Variants in SLC27A1 observed in about 807,000 individuals in gnomAD.
The protein encoded by SLC27A1 is solute carrier family 27 member 1.
A neutral mutation model predicts 62.2 loss-of-function variants in SLC27A1; 61 were observed. That is an observed-to-expected ratio of 0.98 (90% CI 0.80 to 1.21). The LOEUF is 1.21. Among genes scored for constraint, SLC27A1 ranks in the 50% most tolerant of loss-of-function variants. The probability of loss-of-function intolerance (pLI) is 0.00; values close to 1 mark genes in which losing one functional copy is unlikely to be tolerated. For synonymous variants in SLC27A1, 435 were observed against 408.6 expected (o/e 1.06, Z -0.78); for missense variants, 903 against 932.1 (o/e 0.97, Z 0.41).
intron 6 of SLC27A1, among the ~76,000 whole-genome samples, chr19:17,493,971 G>T (rs557335079): frequency 9.2e-5 from 14 of 151,622 alleles, no homozygotes; most frequent in Admixed American, 5.2e-4. Flanking sequence ...AACAAAAAAG[G>T]GATGGTGGAG....
intron 1 of SLC27A1, among the ~76,000 whole-genome samples, chr19:17,481,783 A>T (rs2044219049): frequency 6.6e-6 from 1 of 152,216 alleles, no homozygotes; most frequent in Admixed American, 6.5e-5. Flanking sequence ...CTGGGATTAC[A>T]GGCATGAGCC....
intron 1 of SLC27A1, among the ~76,000 whole-genome samples, chr19:17,482,667 A>G (rs2075190430): frequency 6.6e-6 from 1 of 151,516 alleles, no homozygotes; most frequent in Non-Finnish European, 1.5e-5. Context: ...AAAAAAAAAA[A>G]AAAAAAAGGG....
At position 17,504,428 on chromosome 19, in the gene SLC27A1, C is replaced by A. The variant is rs752432852; in HGVS notation, c.1784-27C>A. 2.5e-6 allele frequency: 4 copies of A among 1,613,872 alleles called. No homozygotes were observed. The East Asian group carries it at 8.9e-5, about 36-fold the overall frequency. On this transcript the variant is annotated intron_variant, in intron 11 of 11. Coordinates refer to ENST00000252595, the MANE Select transcript of SLC27A1 (RefSeq NM_198580.3). ...CCTCCCAGAAGCCACCTGCTCAGCC[C>A]TTATCTGCCCCCCATCCCCACTATA...
chr19:17,486,602 G>T lies in SLC27A1; in HGVS notation c.207G>T (p.Arg69=), dbSNP rs753665751. Residue 69 remains arginine (R), a synonymous_variant, in exon 2 of 12, where the codon CGG becomes CGT. Coordinates refer to ENST00000252595, the MANE Select transcript of SLC27A1 (RefSeq NM_198580.3). The surrounding 1 kb of genome is among the most constrained non-coding windows in gnomAD (Gnocchi z 6.6). ...TGATCCGCGTGCGCCTGGAGCTGCG[G>T]CGGCACCAGCGTGCCGGCCACACCA... is the stretch of plus-strand genomic sequence containing the variant. ...SVLIRVRLEL[R]RHQRAGHTIP... 3 of 1,593,864 alleles carry T rather than the reference G, an allele frequency of 1.9e-6. No individual in the cohort carries two copies. Among genetic ancestry groups the T allele is most frequent in the Non-Finnish European group, 2.5e-6 (3 of 1,176,906 alleles).
chr19:17,477,892 A>T (rs1413699997), intron 1 of SLC27A1, among the ~76,000 whole-genome samples: 2 of 151,882 alleles, frequency 1.3e-5, no homozygotes, highest in Non-Finnish European at 2.9e-5. Flanking sequence ...AAATTATTTT[A>T]ACATAGAGAT....
intron 1 of SLC27A1, among the ~76,000 whole-genome samples, chr19:17,481,711 C>T (rs1284908026): frequency 6.6e-6 from 1 of 152,182 alleles, no homozygotes; most frequent in African/African-American, 2.4e-5. Context: ...CCATGTTGCC[C>T]AGGCTGGTCT....
chr19:17,500,178 G>A, intron 7 of SLC27A1, 100 bp from the exon 8 acceptor site: 2 of 1,517,820 alleles, frequency 1.3e-6, no homozygotes, highest in Non-Finnish European at 1.8e-6. Context: ...AATGACACTG[G>A]AGGTGCTAGG....
chr19:17,478,044 G>T (rs2075141695), intron 1 of SLC27A1, among the ~76,000 whole-genome samples: 1 of 152,030 alleles, frequency 6.6e-6, no homozygotes. Context: ...TCAACTAGCA[G>T]CACTAAAACC....
intron 1 of SLC27A1, among the ~76,000 whole-genome samples, chr19:17,481,593 TC>T (rs1299344958): frequency 3.3e-5 from 5 of 152,170 alleles, no homozygotes; most frequent in African/African-American, 7.2e-5. Flanking sequence ...AGCCTTGACT[TC>T]CTGGGCTCAA....
chr19:17,488,490 C>A (rs1209705690), intron 4 of SLC27A1, among the ~76,000 whole-genome samples: 2 of 152,170 alleles, frequency 1.3e-5, no homozygotes, highest in African/African-American at 4.8e-5. Flanking sequence ...CAAACCCATA[C>A]ACTCCTTCCG....
chr19:17,470,673 C>T lies in SLC27A1; in HGVS notation c.133C>T (p.Arg45Cys). Residue 45 changes from arginine (R) to cysteine (C), a missense_variant, in exon 1 of 12, where the codon CGC becomes TGC. Transcript: ENST00000252595. ...GGGCAGCGGCGGCTGGCGCTTCCTGCGCATCGTCTGCAAGACCGCGAGGCG... is the reference window on the plus strand; with the variant it reads ...GGGCAGCGGCGGCTGGCGCTTCCTGTGCATCGTCTGCAAGACCGCGAGGCG... ...YVGSGGWRFL[R>C]IVCKTARRDL... 1.9e-6 allele frequency: 3 copies of T among 1,579,158 alleles called. No homozygotes were observed. The highest frequency in any genetic ancestry group is 1.7e-6 in the Non-Finnish European group (2 of 1,169,470).
At chr19:17,488,167 T>C (rs2075256796) in intron 4 of SLC27A1, among the ~76,000 whole-genome samples, 1 of 152,176 alleles carries the variant, frequency 6.6e-6, no homozygotes, top group Non-Finnish European at 1.5e-5. Context: ...GAGACCGTCC[T>C]GGCCAACGTG....
At chr19:17,477,281 C>T (rs530247552) in intron 1 of SLC27A1, among the ~76,000 whole-genome samples, 3 of 102,842 alleles carry the variant, frequency 2.9e-5, no homozygotes, top group South Asian at 3.4e-4. Context: ...GAATCTTGCT[C>T]GATTGCCCAG....
chr19:17,471,072 TG>T (rs1222526854), intron 1 of SLC27A1, among the ~76,000 whole-genome samples: 48 of 140,376 alleles, frequency 3.4e-4, no homozygotes, highest in African/African-American at 1.3e-3. Flanking sequence ...TGGAAATCCG[TG>T]GCGGTGTGGG....
At position 17,497,332 on chromosome 19, in the gene SLC27A1, G is replaced by T; in HGVS notation, c.1074G>T (p.Val358=). Residue 358 remains valine (V), a synonymous_variant, in exon 7 of 12, where the codon GTG becomes GTT. Coordinates refer to ENST00000252595, the MANE Select transcript of SLC27A1 (RefSeq NM_198580.3). Reference sequence around the variant, plus strand: ...GCGAGGCGGAGAGGCGACACCGCGTGCGCCTGGCGGTGGGGAACGGGCTGC... The same window carrying T: ...GCGAGGCGGAGAGGCGACACCGCGTTCGCCTGGCGGTGGGGAACGGGCTGC... The part of the protein sequence containing the change: ...PVREAERRHR[V]RLAVGNGLRP... 1 of 1,603,942 alleles carries T rather than the reference G, an allele frequency of 6.2e-7. No individual in the cohort carries two copies. The highest frequency in any genetic ancestry group is 8.5e-7 in the Non-Finnish European group (1 of 1,177,094).
Position 17,470,601 on chromosome 19 carries a change from G to C in SLC27A1, c.61G>C (p.Gly21Arg), listed in dbSNP as rs767821020. 6.4e-7 allele frequency: 1 copy of C among 1,567,232 alleles called. No individual in the cohort carries two copies. The highest frequency in any genetic ancestry group is 1.8e-4 in the Middle Eastern group (1 of 5,496). The change falls in exon 1 of 12, where the codon GGG becomes CGG. Residue 21 changes from glycine (G) to arginine (R), a missense_variant. By Grantham distance (125) the Gly-to-Arg change is moderately radical. Transcript: ENST00000252595. Reference sequence around the variant, plus strand: ...CTCGCTGGCGCTGTTGTGGCTGCTGGGGCTGCCGTGGACCTGGAGCGCGGC... The same window carrying C: ...CTCGCTGGCGCTGTTGTGGCTGCTGCGGCTGCCGTGGACCTGGAGCGCGGC... ...VVSLALLWLL[G>R]LPWTWSAAAA...
Position 17,500,607 on chromosome 19 carries a change from C to T in SLC27A1, c.1446C>T (p.Ser482=). The part of the protein sequence containing the change: ...TSKKIAHSVF[S]KGDSAYLSGD... ...AGAAGATCGCCCACAGCGTCTTCAGCAAGGGCGACAGCGCCTACCTCTCAG... is the reference window on the plus strand; with the variant it reads ...AGAAGATCGCCCACAGCGTCTTCAGTAAGGGCGACAGCGCCTACCTCTCAG... Residue 482 remains serine (S), a synonymous_variant, in exon 9 of 12, where the codon AGC becomes AGT. Transcript: ENST00000252595. 1 of 1,613,760 alleles carries T rather than the reference C, an allele frequency of 6.2e-7. No homozygotes were observed. Among genetic ancestry groups the T allele is most frequent in the African/African-American group, 1.3e-5 (1 of 75,066 alleles).
Position 17,474,358 on chromosome 19 carries a change from G to C in SLC27A1, c.167+3651G>C, listed in dbSNP as rs75658283. On this transcript the variant is annotated intron_variant, in intron 1 of 11. Transcript: ENST00000252595. The stretch of plus-strand genomic sequence containing the variant: ...GTGGCCCTGCGCCCCACTCAGGATT[G>C]GCGCACAGCGGTAGCGCAGGACATG... Among the ~76,000 whole-genome samples, 324 of 152,314 alleles carry C rather than the reference G, an allele frequency of 2.1e-3. 2 individuals carry two copies. Among genetic ancestry groups the C allele is most frequent in the African/African-American group, 7.3e-3 (303 of 41,576 alleles).
intron 1 of SLC27A1, among the ~76,000 whole-genome samples, chr19:17,473,530 G>C (rs1284565899): frequency 1.3e-5 from 2 of 152,130 alleles, no homozygotes; most frequent in Non-Finnish European, 2.9e-5. Context: ...GCCTCTGGTT[G>C]GTCCTTATTT....
Sources: allele counts gnomAD v4.1 joint callset (sites outside exome capture counted in the v4.1 genomes callset), GRCh38; gene constraint gnomAD v4.1.1; non-coding constraint Gnocchi (gnomAD v3.1); transcripts MANE v1.5; gene names NCBI Gene and HGNC (gene_info 2026-07-23, HGNC 2026-07-21).